FHIT: variants seen among roughly 807,000 people sequenced by gnomAD.
FHIT encodes bis(5'-adenosyl)-triphosphatase.
A neutral mutation model predicts 17.9 loss-of-function variants in FHIT; 19 were observed. The observed-to-expected ratio is 1.06, with a 90% CI of 0.74 to 1.56. The LOEUF is 1.56. FHIT is among the 40% of genes most tolerant of loss of function. FHIT has a pLI of 0.00. For synonymous variants in FHIT, 81 were observed against 69.7 expected (o/e 1.16, Z -0.81); for missense variants, 248 against 189.2 (o/e 1.31, Z -1.82).
chr3:60,155,425 C>G (rs6802579), intron 5 of FHIT, among the ~76,000 whole-genome samples: 1 of 151,966 alleles, frequency 6.6e-6, no homozygotes, highest in Non-Finnish European at 1.5e-5. Context: ...GCAGCAAAGT[C>G]TGACTTGAAG....
chr3:61,134,395 T>C (rs1157168323), intron 2 of FHIT, among the ~76,000 whole-genome samples: 2 of 152,174 alleles, frequency 1.3e-5, no homozygotes, highest in African/African-American at 4.8e-5. Context: ...GCTTCTACTA[T>C]GGTCCAAGCA....
At position 61,084,360 on chromosome 3, in the gene FHIT, G is replaced by A. The variant is rs377766703; in HGVS notation, c.-163-42261C>T. Reference sequence around the variant, plus strand: ...TATGAAGAGCTGATAGATAGTATATGTCCTCCAACTTTGTTCTGATTCCCC... The same window carrying A: ...TATGAAGAGCTGATAGATAGTATATATCCTCCAACTTTGTTCTGATTCCCC... On this transcript the variant is annotated intron_variant, in intron 2 of 9. Coordinates refer to ENST00000492590, the MANE Select transcript of FHIT (RefSeq NM_002012.4). Among the ~76,000 whole-genome samples the A allele has an allele frequency of 4.6e-5, 7 of 152,272 alleles. No individual in the cohort carries two copies. The South Asian group carries it at 1.0e-3, about 23-fold the overall frequency.
At chr3:60,327,820 G>A (rs930999831) in intron 5 of FHIT, among the ~76,000 whole-genome samples, 1 of 152,112 alleles carries the variant, frequency 6.6e-6, no homozygotes, top group Non-Finnish European at 1.5e-5. Flanking sequence ...ATTCAATTCA[G>A]ATGGTTCAAA....
intron 5 of FHIT, among the ~76,000 whole-genome samples, chr3:60,208,755 C>A (rs2107511064): frequency 6.6e-6 from 1 of 152,252 alleles, no homozygotes; most frequent in South Asian, 2.1e-4. Flanking sequence ...AAATAATCAC[C>A]AGGACAGGCA....
chr3:60,653,128 C>T (rs2040035103), intron 4 of FHIT, among the ~76,000 whole-genome samples: 1 of 152,014 alleles, frequency 6.6e-6, no homozygotes, highest in African/African-American at 2.4e-5. Context: ...TTTAATATGA[C>T]AAGAAAGTCT....
At chr3:60,027,720 A>AT (rs1041883763) in intron 5 of FHIT, among the ~76,000 whole-genome samples, 6 of 108,592 alleles carry the variant, frequency 5.5e-5, no homozygotes, top group African/African-American at 1.7e-4. Flanking sequence ...CATTTAGTTT[A>AT]TAAAAAAAAA....
At chr3:60,780,104 G>C (rs933837980) in intron 4 of FHIT, among the ~76,000 whole-genome samples, 1 of 152,190 alleles carries the variant, frequency 6.6e-6, no homozygotes, top group Admixed American at 6.5e-5. Context: ...TAAGGTATCT[G>C]CTGGAAGAAA....
intron 8 of FHIT, among the ~76,000 whole-genome samples, chr3:59,820,077 ACTT>A (rs1474907150): frequency 6.6e-6 from 1 of 152,192 alleles, no homozygotes; most frequent in Non-Finnish European, 1.5e-5. Context: ...TGACTAATAA[ACTT>A]CTTTTTTAAA....
intron 2 of FHIT, among the ~76,000 whole-genome samples, chr3:61,059,372 CTTTT>C (rs201797361): frequency 7.1e-5 from 8 of 113,276 alleles, no homozygotes; most frequent in Admixed American, 9.4e-5. Context: ...TTGCTTTTTC[CTTTT>C]TTTTTTTTTT....
intron 5 of FHIT, among the ~76,000 whole-genome samples, chr3:60,095,962 G>A (rs934890664): frequency 6.6e-6 from 1 of 151,806 alleles, no homozygotes; most frequent in Admixed American, 6.6e-5. Flanking sequence ...CAGGTGGCTG[G>A]CTTTGAGAAG....
chr3:60,918,987 T>A (rs369980074), intron 3 of FHIT, among the ~76,000 whole-genome samples: 2 of 151,730 alleles, frequency 1.3e-5, no homozygotes, highest in African/African-American at 4.8e-5. Context: ...CTTCTATGGG[T>A]AAAAAAAAGG....
chr3:61,046,471 C>T (rs2033793392), intron 2 of FHIT, among the ~76,000 whole-genome samples: 1 of 152,150 alleles, frequency 6.6e-6, no homozygotes, highest in African/African-American at 2.4e-5. Context: ...AGACCAATAA[C>T]AGGCTCTGAA....
At chr3:60,551,677 G>A (rs541581306) in intron 4 of FHIT, among the ~76,000 whole-genome samples, 1 of 146,354 alleles carries the variant, frequency 6.8e-6, no homozygotes, top group African/African-American at 2.6e-5. Context: ...CGAAATGCCT[G>A]AGCCTGGGAA....
chr3:60,763,952 G>A (rs546405389), intron 4 of FHIT, among the ~76,000 whole-genome samples: 1 of 152,020 alleles, frequency 6.6e-6, no homozygotes, highest in Non-Finnish European at 1.5e-5. Context: ...TACATCCATG[G>A]TCTCATTTCA....
At chr3:60,774,005 G>C (rs1182975312) in intron 4 of FHIT, among the ~76,000 whole-genome samples, 1 of 152,178 alleles carries the variant, frequency 6.6e-6, no homozygotes, top group African/African-American at 2.4e-5. Flanking sequence ...TTTCAGTCTG[G>C]ATTTGGGGTT....
intron 5 of FHIT, among the ~76,000 whole-genome samples, chr3:60,448,593 G>A (rs1479001308): frequency 6.6e-6 from 1 of 152,138 alleles, no homozygotes; most frequent in Non-Finnish European, 1.5e-5. Flanking sequence ...GTAGTAAGCA[G>A]AGAGAGACAA....
intron 4 of FHIT, among the ~76,000 whole-genome samples, chr3:60,731,320 C>T (rs993089916): frequency 6.6e-6 from 1 of 152,032 alleles, no homozygotes; most frequent in South Asian, 2.1e-4. Context: ...GAAGGAGACA[C>T]CAAAGCAAGT....
intron 3 of FHIT, among the ~76,000 whole-genome samples, chr3:60,925,599 C>A (rs1411493315): frequency 1.3e-5 from 2 of 152,206 alleles, no homozygotes; most frequent in South Asian, 2.1e-4. Flanking sequence ...CCAGCCACTG[C>A]AGAAATATAC....
At chr3:61,160,211 T>G (rs1044059943) in intron 2 of FHIT, among the ~76,000 whole-genome samples, 1 of 150,394 alleles carries the variant, frequency 6.6e-6, no homozygotes, top group African/African-American at 2.5e-5. Context: ...GAATCAGATT[T>G]CATCACTCTG....
Sources: gnomAD v4.1 joint callset for allele counts (sites outside exome capture counted in the v4.1 genomes callset) on GRCh38, gnomAD v4.1.1 for gene constraint, MANE v1.5 for transcripts, NCBI Gene and HGNC (gene_info 2026-07-23, HGNC 2026-07-21) for gene names.